Variants in SORL1 observed in about 807,000 individuals in gnomAD.
The protein encoded by SORL1 is sortilin-related receptor.
A neutral mutation model predicts 273.7 loss-of-function variants in SORL1; 127 were observed. The ratio of observed to expected loss-of-function variants is 0.46; its 90% CI spans 0.40 to 0.54. The LOEUF is 0.54. Ranked by LOEUF, SORL1 falls within the 20% of genes least tolerant of loss-of-function variation. The probability of loss-of-function intolerance (pLI) is 0.00; values close to 1 mark genes in which losing one functional copy is unlikely to be tolerated. For synonymous variants in SORL1, 1,031 were observed against 1,067.4 expected (o/e 0.97, Z 0.66); for missense variants, 2,494 against 2,846.1 (o/e 0.88, Z 2.81).
chr11:121,522,741 G>A (rs12285564), intron 10 of SORL1, 38 bp downstream of exon 10: 87,922 of 1,530,736 alleles, frequency 0.057, 3,155 homozygotes, highest in East Asian at 0.14. Context: ...GGGTTCAGCT[G>A]TCTGGTGATG....
At chr11:121,610,803 G>C (rs2134932234) in intron 38 of SORL1, 1 of 344,174 alleles carries the variant, frequency 2.9e-6, no homozygotes, top group African/African-American at 2.1e-5. Flanking sequence ...GGGCTGTTTT[G>C]GGACCTTTAC....
chr11:121,512,708 T>A (rs535888486), intron 6 of SORL1, among the ~76,000 whole-genome samples: 26 of 152,310 alleles, frequency 1.7e-4, no homozygotes, highest in African/African-American at 6.3e-4. Flanking sequence ...TCTGTTGAAG[T>A]GTTGGCAGCC....
intron 13 of SORL1, among the ~76,000 whole-genome samples, chr11:121,544,678 G>T (rs1862397642): frequency 6.6e-6 from 1 of 152,212 alleles, no homozygotes; most frequent in Non-Finnish European, 1.5e-5. Flanking sequence ...GCATACTTTG[G>T]AATGCTTGTA....
rs1863889453 is a variant in SORL1, at chr11:121,632,502, G to A, written c.*2939G>A. 6.6e-6 allele frequency: 1 copy of A among 151,750 alleles called. No homozygotes were observed. The highest frequency in any genetic ancestry group is 2.1e-4 in the South Asian group (1 of 4,808). 9.4% of individuals were successfully genotyped at this position (151,750 alleles called of 1,614,324 possible). On this transcript the variant is annotated 3_prime_UTR_variant, in exon 48 of 48. Transcript: ENST00000260197. ...GACTTTTGGACAAGTAATTCCTGGG[G>A]TTCTGTCTTTGGTAGCATCACCAGG...
intron 31 of SORL1, among the ~76,000 whole-genome samples, chr11:121,594,126 T>C (rs1243111539): frequency 6.6e-6 from 1 of 152,208 alleles, no homozygotes; most frequent in Non-Finnish European, 1.5e-5. Context: ...TTTTTTTTTT[T>C]TTGTATGTAA....
intron 11 of SORL1, among the ~76,000 whole-genome samples, chr11:121,526,282 C>T (rs1862123256): frequency 6.6e-6 from 1 of 151,990 alleles, no homozygotes; most frequent in African/African-American, 2.4e-5. Context: ...AATTTTAGGC[C>T]AATTGGGTCT....
At chr11:121,517,332 C>T (rs1005141611) in intron 8 of SORL1, among the ~76,000 whole-genome samples, 2 of 152,148 alleles carry the variant, frequency 1.3e-5, no homozygotes, top group Non-Finnish European at 2.9e-5. Flanking sequence ...TGGAATCATA[C>T]AATAATATGT....
At position 121,592,954 on chromosome 11, in the gene SORL1, T is replaced by C. The variant is rs551369358; in HGVS notation, c.4369+1798T>C. Among the ~76,000 whole-genome samples the C allele has an allele frequency of 5.1e-4, 78 of 152,366 alleles. No homozygotes were observed. In the Middle Eastern group the frequency reaches 0.01, roughly 20 times the overall value. ...CTGTTCAGCTTTTGTACTTTCTTTTTTGTGCGCAGTGCTGGGACAAATTTA... is the reference window on the plus strand; with the variant it reads ...CTGTTCAGCTTTTGTACTTTCTTTTCTGTGCGCAGTGCTGGGACAAATTTA... On this transcript the variant is annotated intron_variant, in intron 31 of 47. Transcript: ENST00000260197.
intron 18 of SORL1, among the ~76,000 whole-genome samples, chr11:121,556,229 C>A (rs1862580031): frequency 6.6e-6 from 1 of 152,154 alleles, no homozygotes; most frequent in African/African-American, 2.4e-5. Flanking sequence ...CGTTCTTGTT[C>A]CAGTAGAGCT....
chr11:121,511,815 T>A (rs1381132493), intron 6 of SORL1, among the ~76,000 whole-genome samples: 1 of 152,252 alleles, frequency 6.6e-6, no homozygotes, highest in African/African-American at 2.4e-5. Context: ...ACTGAATCGT[T>A]ATATTGCAGA....
intron 1 of SORL1, among the ~76,000 whole-genome samples, chr11:121,467,689 C>T (rs1861104592): frequency 6.6e-6 from 1 of 152,156 alleles, no homozygotes; most frequent in Non-Finnish European, 1.5e-5. Context: ...TTTCTGATCT[C>T]CAGATGGATC....
At position 121,550,712 on chromosome 11, in the gene SORL1, G is replaced by A; in HGVS notation, c.2266+42G>A. ...CTTCCCTTTCATTTCTTGAGACATG[G>A]TTGAAGCAGTATCACGATCTCACCC... On this transcript the variant is annotated intron_variant, in intron 16 of 47. Transcript: ENST00000260197. The surrounding 1 kb of genome is among the most constrained non-coding windows in gnomAD (Gnocchi z 5.3). 8 of 1,507,478 alleles carry A rather than the reference G, an allele frequency of 5.3e-6. No homozygotes were observed. The highest frequency in any genetic ancestry group is 6.4e-6 in the Non-Finnish European group (7 of 1,086,784). 93.4% of individuals were successfully genotyped at this position (1,507,478 alleles called of 1,614,324 possible). A position where few individuals can be genotyped will look rare whatever the true frequency, so the allele number is the denominator to read the frequency against.
At chr11:121,583,354 C>G in intron 25 of SORL1, 104 bp from the exon 26 acceptor site, 1 of 1,369,402 alleles carries the variant, frequency 7.3e-7, no homozygotes, top group Non-Finnish European at 9.8e-7. Flanking sequence ...CAGTTCAGAC[C>G]TTATTCCTAC....
At chr11:121,483,123 C>G (rs1861419731) in intron 3 of SORL1, among the ~76,000 whole-genome samples, 1 of 152,232 alleles carries the variant, frequency 6.6e-6, no homozygotes, top group Non-Finnish European at 1.5e-5. Flanking sequence ...AGACAGGGGT[C>G]TTGCTCTGCC....
intron 32 of SORL1, among the ~76,000 whole-genome samples, chr11:121,598,858 C>T (rs1047538456): frequency 6.6e-6 from 1 of 152,194 alleles, no homozygotes; most frequent in African/African-American, 2.4e-5. Flanking sequence ...GTCCTTTCCT[C>T]TCCAGGAATG....
chr11:121,524,829 T>A (rs764570831), intron 11 of SORL1, among the ~76,000 whole-genome samples: 2 of 152,190 alleles, frequency 1.3e-5, no homozygotes, highest in Non-Finnish European at 2.9e-5. Context: ...TACAGTTTGA[T>A]CAGAATTAAT....
chr11:121,533,138 A>G lies in SORL1; in HGVS notation c.1685+586A>G, dbSNP rs558534767. Among the ~76,000 whole-genome samples, 11 of 152,136 alleles carry G rather than the reference A, an allele frequency of 7.2e-5. No individual in the cohort carries two copies. The East Asian group carries it at 2.1e-3, about 29-fold the overall frequency. ...CTTCTTTGCTTTGTGTCTTTATTACATAGAAAGACTAATAATAAATAGCAA... is the reference window on the plus strand; with the variant it reads ...CTTCTTTGCTTTGTGTCTTTATTACGTAGAAAGACTAATAATAAATAGCAA... On this transcript the variant is annotated intron_variant, in intron 12 of 47. Transcript: ENST00000260197.
At chr11:121,460,251 A>G in intron 1 of SORL1, among the ~76,000 whole-genome samples, 1 of 152,142 alleles carries the variant, frequency 6.6e-6, no homozygotes. Context: ...GGGGAAGATG[A>G]CTAGGGTGAA....
chr11:121,468,019 G>T (rs1231240789), intron 1 of SORL1, among the ~76,000 whole-genome samples: 1 of 152,198 alleles, frequency 6.6e-6, no homozygotes, highest in Non-Finnish European at 1.5e-5. Context: ...TAGCTGCTTT[G>T]TCCTTCTGCC....
Sources: gnomAD v4.1 joint callset for allele counts (sites outside exome capture counted in the v4.1 genomes callset) on GRCh38, gnomAD v4.1.1 for gene constraint, Gnocchi (gnomAD v3.1) non-coding constraint, MANE v1.5 for transcripts, NCBI Gene and HGNC (gene_info 2026-07-23, HGNC 2026-07-21) for gene names.